The following GNPAT variants were observed in gnomAD, a reference collection of about 807,000 sequenced individuals.
GNPAT encodes dihydroxyacetone phosphate acyltransferase.
GNPAT carries 30 observed loss-of-function variants against 78.4 expected under a neutral mutation model. The observed-to-expected ratio is 0.38, with a 90% CI of 0.29 to 0.52. The LOEUF is 0.52. Ranked by LOEUF, GNPAT falls within the 20% of genes least tolerant of loss-of-function variation. The pLI, the probability that GNPAT is intolerant of heterozygous loss-of-function variation, is 0.84. For synonymous variants in GNPAT, 271 were observed against 281.1 expected (o/e 0.96, Z 0.36); for missense variants, 714 against 812.2 (o/e 0.88, Z 1.47).
intron 2 of GNPAT, among the ~76,000 whole-genome samples, chr1:231,255,730 T>C (rs1371952710): frequency 6.6e-6 from 1 of 152,150 alleles, no homozygotes; most frequent in Non-Finnish European, 1.5e-5. Flanking sequence ...CCACTGTACC[T>C]GGCTCAAAAT....
rs907623454 is a variant in GNPAT, at chr1:231,244,746, T to A, written c.78+3290T>A. ...AGGGGGTCTGGCCTAAATGTATAGATTTTTCAGCATGTAGGTTGTATCTAT... is the reference window on the plus strand; with the variant it reads ...AGGGGGTCTGGCCTAAATGTATAGAATTTTCAGCATGTAGGTTGTATCTAT... On this transcript the variant is annotated intron_variant, in intron 1 of 15. Coordinates refer to ENST00000366647, the MANE Select transcript of GNPAT (RefSeq NM_014236.4). Among the ~76,000 whole-genome samples, 7 of 152,264 alleles carry A rather than the reference T, an allele frequency of 4.6e-5. No individual in the cohort carries two copies. In the East Asian group the frequency reaches 1.4e-3, roughly 29 times the overall value.
chr1:231,270,940 AT>A lies in GNPAT; in HGVS notation c.1467del (p.Phe489LeufsTer6). The A allele has an allele frequency of 6.2e-7, 1 of 1,614,072 alleles. No homozygotes were observed. Among genetic ancestry groups the A allele is most frequent in the Non-Finnish European group, 8.5e-7 (1 of 1,179,970 alleles). The stretch of plus-strand genomic sequence containing the variant: ...AGCTTATAGGAACCAGCTGCTCAAC[AT>A]TTTTGTGCGCCCATCCTTAGTAGCA... ...CSAYRNQLLN[I>X]FVRPSLVAVA... On this transcript the variant is annotated frameshift_variant, in exon 10 of 16. Transcript: ENST00000366647. LOFTEE classifies it high-confidence loss of function.
At chr1:231,271,574 T>A (rs1685567563) in intron 10 of GNPAT, among the ~76,000 whole-genome samples, 1 of 152,120 alleles carries the variant, frequency 6.6e-6, no homozygotes, top group Non-Finnish European at 1.5e-5. Context: ...CCATTGGTGT[T>A]TGGTTTTGGT....
At chr1:231,246,281 T>C (rs1476128884) in intron 1 of GNPAT, among the ~76,000 whole-genome samples, 1 of 152,222 alleles carries the variant, frequency 6.6e-6, no homozygotes, top group Non-Finnish European at 1.5e-5. Flanking sequence ...AAGCGTTAAA[T>C]GGTTAAACAT....
At chr1:231,267,277 T>A (rs1339042035) in intron 8 of GNPAT, among the ~76,000 whole-genome samples, 1 of 152,200 alleles carries the variant, frequency 6.6e-6, no homozygotes, top group Admixed American at 6.5e-5. Context: ...CCATTCAGTA[T>A]AAAATAGTTA....
At chr1:231,241,545 T>C in intron 1 of GNPAT, 89 bp downstream of exon 1, 1 of 1,022,160 alleles carries the variant, frequency 9.8e-7, no homozygotes, top group Admixed American at 1.7e-5. Flanking sequence ...CCCACCACCC[T>C]TGCCCAAAAG....
chr1:231,273,839 C>T (rs1189794434), intron 11 of GNPAT, 83 bp from the exon 12 acceptor site: 1 of 1,083,390 alleles, frequency 9.2e-7, no homozygotes, highest in African/African-American at 1.5e-5. Flanking sequence ...TATCCATTAA[C>T]CTAGATGAGG....
At chr1:231,274,129 G>A in intron 12 of GNPAT, 67 bp downstream of exon 12, 1 of 1,395,238 alleles carries the variant, frequency 7.2e-7, no homozygotes, top group Non-Finnish European at 1.0e-6. Context: ...TTCTCACCCT[G>A]TGCTTATTTC....
chr1:231,265,601 G>A, intron 5 of GNPAT, 111 bp from the exon 6 acceptor site: 1 of 886,398 alleles, frequency 1.1e-6, no homozygotes, highest in South Asian at 1.3e-5. Flanking sequence ...ACTGTAAGCT[G>A]TGTTTGTTCA....
In GNPAT at chr1:231,272,365, A is replaced by C. The variant is rs1178736929; in HGVS notation, c.1576A>C (p.Ile526Leu). The C allele has an allele frequency of 3.1e-6, 5 of 1,589,586 alleles. No homozygotes were observed. The highest frequency in any genetic ancestry group is 2.2e-5 in the South Asian group (2 of 90,460). The change falls in exon 11 of 16, where the codon ATC becomes CTC. Residue 526 changes from isoleucine to leucine, a missense_variant. Transcript: ENST00000366647. ...FLRDVFADEF[I>L]FLPGNTLKDF... ...ACGTGATGTTTTTGCAGATGAGTTCATCTTCCTTCCAGGAAACACACTAAA... is the reference window on the plus strand; with the variant it reads ...ACGTGATGTTTTTGCAGATGAGTTCCTCTTCCTTCCAGGAAACACACTAAA...
At chr1:231,269,171 A>ATGCTGCAGAGGGTTCCTGAGAG (rs879916514) in intron 9 of GNPAT, among the ~76,000 whole-genome samples, 292 of 152,278 alleles carry the variant, frequency 1.9e-3, no homozygotes, top group Non-Finnish European at 3.3e-3. Context: ...AGCAACATGC[A>ATGCTGCAGAGGGTTCCTGAGAG]TGCTGCAGAG....
chr1:231,262,154 CAGTG>C (rs1245382580), intron 3 of GNPAT, among the ~76,000 whole-genome samples: 1 of 152,228 alleles, frequency 6.6e-6, no homozygotes, highest in African/African-American at 2.4e-5. Flanking sequence ...TTCACCCTGG[CAGTG>C]AGTCCAGCAC....
intron 8 of GNPAT, among the ~76,000 whole-genome samples, chr1:231,266,641 A>T (rs1221610444): frequency 6.6e-6 from 1 of 152,180 alleles, no homozygotes; most frequent in Non-Finnish European, 1.5e-5. Flanking sequence ...ATGCAAAATC[A>T]GACAATGATC....
At chr1:231,271,928 C>T (rs1685578867) in intron 10 of GNPAT, among the ~76,000 whole-genome samples, 1 of 152,160 alleles carries the variant, frequency 6.6e-6, no homozygotes, top group Non-Finnish European at 1.5e-5. Context: ...TGGTGAAACC[C>T]TGTCTCTATT....
At position 231,265,276 on chromosome 1, in the gene GNPAT, T is replaced by C. The variant is rs1685343456; in HGVS notation, c.569-17T>C. The C allele has an allele frequency of 1.3e-6, 2 of 1,584,070 alleles. No individual in the cohort carries two copies. Among genetic ancestry groups the C allele is most frequent in the South Asian group, 2.2e-5 (2 of 90,518 alleles). ...GATTTCAAGATCTGCAAATAAATAT[T>C]ATCCCCTCTTTTTTAGACTTCCTGG... is the stretch of plus-strand genomic sequence containing the variant. On this transcript the variant is annotated splice_polypyrimidine_tract_variant and intron_variant, in intron 4 of 15. Transcript: ENST00000366647.
intron 2 of GNPAT, 85 bp downstream of exon 2, chr1:231,251,228 A>G (rs745879437): frequency 3.8e-5 from 30 of 784,204 alleles, no homozygotes; most frequent in African/African-American, 2.9e-4. Flanking sequence ...CTACTTTAAT[A>G]TATCCTTTTA....
chr1:231,261,797 T>C (rs563536766), intron 3 of GNPAT, among the ~76,000 whole-genome samples: 1 of 152,324 alleles, frequency 6.6e-6, no homozygotes, highest in South Asian at 2.1e-4. Flanking sequence ...GTGTTTTATA[T>C]TTTTTTCTTC....
chr1:231,254,973 G>A (rs143693430), intron 2 of GNPAT, among the ~76,000 whole-genome samples: 1,606 of 151,782 alleles, frequency 0.011, 38 homozygotes, highest in African/African-American at 0.038. Context: ...GGCTGGTCTT[G>A]AACTCCTGAC....
chr1:231,260,369 G>GTT, intron 2 of GNPAT, 138 bp from the exon 3 acceptor site: 2 of 589,730 alleles, frequency 3.4e-6, no homozygotes, highest in Non-Finnish European at 5.9e-6. Flanking sequence ...GTGTTGGGAA[G>GTT]TTGTCAATTA....
Sources: allele counts gnomAD v4.1 joint callset (sites outside exome capture counted in the v4.1 genomes callset), GRCh38; gene constraint gnomAD v4.1.1; transcripts MANE v1.5; gene names NCBI Gene and HGNC (gene_info 2026-07-23, HGNC 2026-07-21).